BLTP1: variants seen among roughly 807,000 people sequenced by gnomAD.
BLTP1 encodes the protein fragile site-associated protein.
the BLTP1 span, chr4:122,152,627 C>T: frequency 1.0e-5 from 10 of 985,434 alleles, no homozygotes; most frequent in Non-Finnish European, 1.2e-5. Flanking sequence ...GGTCGTCAGC[C>T]CCTTTTTCCA....
chr4:122,199,835 A>T, the BLTP1 span: 1 of 763,748 alleles, frequency 1.3e-6, no homozygotes, highest in Non-Finnish European at 1.6e-6. Flanking sequence ...AATGTAATTT[A>T]TTGTGCCTTT....
the BLTP1 span, chr4:122,264,519 T>C: frequency 1.6e-6 from 2 of 1,218,806 alleles, no homozygotes; most frequent in Non-Finnish European, 2.2e-6. Context: ...CTTGGAATTC[T>C]AGTGAGGCTA....
the BLTP1 span, among the ~76,000 whole-genome samples, chr4:122,217,432 A>G: frequency 3.2e-4 from 49 of 151,980 alleles, no homozygotes; most frequent in South Asian, 6.2e-4. Context: ...CAATTAATTC[A>G]TAGATTGCTT....
At chr4:122,227,742 G>C in the BLTP1 span, 3 of 152,570 alleles carry the variant, frequency 2.0e-5, no homozygotes, top group Non-Finnish European at 2.9e-5. Context: ...AGCTATACTT[G>C]GTGATAAAAA....
chr4:122,174,018 T>C, the BLTP1 span, among the ~76,000 whole-genome samples: 1 of 152,168 alleles, frequency 6.6e-6, no homozygotes, highest in South Asian at 2.1e-4. Flanking sequence ...AATTTTTGAC[T>C]ACTTAAAAGT....
the BLTP1 span, chr4:122,240,226 G>A: frequency 6.2e-7 from 1 of 1,614,064 alleles, no homozygotes; most frequent in Non-Finnish European, 8.5e-7. Flanking sequence ...GTAATTAATT[G>A]GTCAGTTAAG....
At chr4:122,289,405 T>A in the BLTP1 span, 1 of 749,064 alleles carries the variant, frequency 1.3e-6, no homozygotes, top group Non-Finnish European at 1.6e-6. Context: ...TTAAGATTCA[T>A]AAACTTCAGA....
At chr4:122,288,237 A>G in the BLTP1 span, among the ~76,000 whole-genome samples, 1 of 152,190 alleles carries the variant, frequency 6.6e-6, no homozygotes, top group African/African-American at 2.4e-5. Flanking sequence ...TAAGGACACA[A>G]ACCTTAACTG....
the BLTP1 span, chr4:122,214,622 T>A: frequency 1.4e-5 from 7 of 514,952 alleles, no homozygotes; most frequent in Non-Finnish European, 1.4e-5. Flanking sequence ...AATTCTTTTT[T>A]TTTTTTTTTT....
At chr4:122,198,239 A>G in the BLTP1 span, 3 of 982,096 alleles carry the variant, frequency 3.1e-6, no homozygotes. Flanking sequence ...ATTTTAGTGA[A>G]TAACTAACCC....
chr4:122,263,690 C>T, the BLTP1 span: 1 of 771,594 alleles, frequency 1.3e-6, no homozygotes, highest in Non-Finnish European at 2.1e-6. Context: ...AAAAATCAAA[C>T]AAGTACTGTT....
chr4:122,250,377 G>A, the BLTP1 span: 2 of 1,606,412 alleles, frequency 1.2e-6, no homozygotes, highest in African/African-American at 1.3e-5. Flanking sequence ...AGACAGTCTG[G>A]TGCTGTTTTA....
At chr4:122,242,879 T>C in the BLTP1 span, 16 of 657,322 alleles carry the variant, frequency 2.4e-5, no homozygotes, top group Non-Finnish European at 4.1e-5. Flanking sequence ...GTCTGTTAAA[T>C]GTTTATATCA....
At chr4:122,357,366 CAGCCTAGGCAACAA>C in the BLTP1 span, among the ~76,000 whole-genome samples, 1 of 151,880 alleles carries the variant, frequency 6.6e-6, no homozygotes, top group Non-Finnish European at 1.5e-5. Flanking sequence ...GCTTTGAGAC[CAGCCTAGGCAACAA>C]AGTGAGACCC....
the BLTP1 span, chr4:122,211,040 C>A: frequency 6.2e-7 from 1 of 1,608,514 alleles, no homozygotes; most frequent in Non-Finnish European, 8.5e-7. Context: ...GAACTTTCTC[C>A]AGATTCTCAG....
chr4:122,318,961 T>C, the BLTP1 span, among the ~76,000 whole-genome samples: 1 of 152,102 alleles, frequency 6.6e-6, no homozygotes, highest in South Asian at 2.1e-4. Flanking sequence ...TTTTAGAAAA[T>C]TGTATGTTTC....
chr4:122,257,235 C>T, the BLTP1 span: 1 of 1,610,480 alleles, frequency 6.2e-7, no homozygotes, highest in South Asian at 1.1e-5. Context: ...TTACTTCTAA[C>T]CACATGATTA....
chr4:122,355,968 A>T, the BLTP1 span: 1 of 1,609,888 alleles, frequency 6.2e-7, no homozygotes, highest in Non-Finnish European at 8.5e-7. Flanking sequence ...ATGTTCAAGA[A>T]CCACAGGAGC....
the BLTP1 span, chr4:122,293,119 G>T: frequency 1.0e-6 from 1 of 962,682 alleles, no homozygotes. Flanking sequence ...CAAGTATAGA[G>T]GATATGATGC....
Sources: gnomAD v4.1 joint callset for allele counts (sites outside exome capture counted in the v4.1 genomes callset) on GRCh38, gnomAD v4.1.1 for gene constraint, MANE v1.5 for transcripts, NCBI Gene and HGNC (gene_info 2026-07-23, HGNC 2026-07-21) for gene names.